FRMD5: variants seen among roughly 807,000 people sequenced by gnomAD.
FRMD5 encodes FERM domain containing 5.
In FRMD5, 20 loss-of-function variants were observed where a neutral mutation model predicts 69.0. The ratio of observed to expected loss-of-function variants is 0.29; its 90% CI spans 0.20 to 0.42. The LOEUF is 0.42. Among genes scored for constraint, FRMD5 ranks in the 10% least tolerant of loss-of-function variants. The pLI, the probability that FRMD5 is intolerant of heterozygous loss-of-function variation, is 1.00. For synonymous variants in FRMD5, 271 were observed against 260.1 expected, an observed-to-expected ratio of 1.04 and a Z score of -0.40; for missense variants, 595 against 708.6, an observed-to-expected ratio of 0.84 and a Z score of 1.82.
chr15:44,033,449 C>T lies in FRMD5; in HGVS notation c.103-109140G>A, dbSNP rs1221513421. Among the ~76,000 whole-genome samples the T allele has an allele frequency of 5.9e-5, 9 of 152,218 alleles. No homozygotes were observed. In the East Asian group the frequency reaches 9.6e-4, roughly 16 times the overall value. On this transcript the variant is annotated intron_variant, in intron 1 of 13. Coordinates refer to ENST00000417257, the MANE Select transcript of FRMD5 (RefSeq NM_032892.5). ...AAGAGGCAAATTCTCTTTTAAGAGG[C>T]ATTTCAATAAATATCCCAAATAATA...
At position 43,873,264 on chromosome 15, in the gene FRMD5, T is replaced by G. The variant is rs1425815366; in HGVS notation, c.*621A>C. On this transcript the variant is annotated 3_prime_UTR_variant, in exon 14 of 14. Coordinates refer to ENST00000417257, the MANE Select transcript of FRMD5 (RefSeq NM_032892.5). ...AAACAAAAGGAAAAGAAAATCCAAC[T>G]CAGACCATCATAAGAAGCAACTTTC... 9.1e-6 allele frequency: 14 copies of G among 1,545,372 alleles called. No homozygotes were observed. Among genetic ancestry groups the G allele is most frequent in the Middle Eastern group, 3.3e-4 (2 of 5,990 alleles).
intron 1 of FRMD5, among the ~76,000 whole-genome samples, chr15:44,022,227 C>T (rs1266532848): frequency 6.6e-6 from 1 of 151,864 alleles, no homozygotes; most frequent in African/African-American, 2.4e-5. Flanking sequence ...TTAAAAATAG[C>T]TAAAACTATA....
At chr15:43,952,734 T>C (rs1445373711) in intron 1 of FRMD5, among the ~76,000 whole-genome samples, 4 of 152,356 alleles carry the variant, frequency 2.6e-5, no homozygotes. Context: ...TATGCAGCCA[T>C]GCGGTCAGCA....
chr15:43,888,094 C>T (rs2088705850), intron 10 of FRMD5, 81 bp downstream of exon 10: 4 of 1,109,516 alleles, frequency 3.6e-6, no homozygotes, highest in Non-Finnish European at 5.4e-6. Context: ...CCCCAAGTTC[C>T]TGGGCACTTG....
At chr15:43,874,757 G>C (rs941821235) in intron 13 of FRMD5, among the ~76,000 whole-genome samples, 9 of 149,060 alleles carry the variant, frequency 6.0e-5, no homozygotes, top group African/African-American at 2.0e-4. Context: ...AAAATCAGCC[G>C]GGCCTGGTGG....
At chr15:44,073,840 CA>C (rs2140420607) in intron 1 of FRMD5, among the ~76,000 whole-genome samples, 1 of 152,150 alleles carries the variant, frequency 6.6e-6, no homozygotes, top group African/African-American at 2.4e-5. Context: ...CAGCTTACGA[CA>C]ATAAAACATT....
chr15:43,885,656 A>G (rs1567209959), intron 11 of FRMD5, 25 bp downstream of exon 11: 1 of 1,584,336 alleles, frequency 6.3e-7, no homozygotes, highest in Admixed American at 1.7e-5. Context: ...TAGATCCATA[A>G]TGGTTACTTA....
chr15:44,151,041 G>A (rs1047225762), intron 1 of FRMD5, among the ~76,000 whole-genome samples: 4 of 151,002 alleles, frequency 2.6e-5, no homozygotes, highest in East Asian at 3.9e-4. Context: ...GCAGTGAGCC[G>A]AGATGGCACC....
chr15:43,895,231 G>A (rs2088886402), intron 7 of FRMD5, among the ~76,000 whole-genome samples: 3 of 152,224 alleles, frequency 2.0e-5, no homozygotes, highest in Admixed American at 1.3e-4. Context: ...GAAAATGTGG[G>A]AAGTTAGAAT....
chr15:44,013,127 T>C (rs1050969666), intron 1 of FRMD5, among the ~76,000 whole-genome samples: 2 of 152,172 alleles, frequency 1.3e-5, no homozygotes, highest in African/African-American at 2.4e-5. Flanking sequence ...TGAAAGTCAA[T>C]TATTTTGTCC....
intron 1 of FRMD5, among the ~76,000 whole-genome samples, chr15:43,990,524 G>A (rs967480244): frequency 1.3e-5 from 2 of 152,052 alleles, no homozygotes; most frequent in African/African-American, 4.8e-5. Flanking sequence ...ACACATTTAT[G>A]TATCACAAAT....
chr15:44,149,340 T>C (rs186257624), intron 1 of FRMD5, among the ~76,000 whole-genome samples: 44 of 151,830 alleles, frequency 2.9e-4, no homozygotes, highest in Non-Finnish European at 5.5e-4. Context: ...CAAAAGAAGA[T>C]AGTAATACAG....
intron 1 of FRMD5, among the ~76,000 whole-genome samples, chr15:44,143,796 G>A (rs1314191585): frequency 6.6e-6 from 1 of 151,216 alleles, no homozygotes; most frequent in African/African-American, 2.4e-5. Flanking sequence ...GTGGCGGCAC[G>A]CACCTGTTGT....
chr15:43,965,587 T>G (rs1847689956), intron 1 of FRMD5, among the ~76,000 whole-genome samples: 1 of 149,818 alleles, frequency 6.7e-6, no homozygotes, highest in Admixed American at 6.6e-5. Context: ...TTTTTTTTTT[T>G]TTTTTTTTTT....
chr15:43,886,995 A>G (rs1039719122), intron 10 of FRMD5, among the ~76,000 whole-genome samples: 1 of 152,236 alleles, frequency 6.6e-6, no homozygotes, highest in South Asian at 2.1e-4. Flanking sequence ...GGGAAGACTC[A>G]GAAACTGAGT....
At chr15:44,157,896 C>T (rs2077552840) in intron 1 of FRMD5, among the ~76,000 whole-genome samples, 1 of 152,080 alleles carries the variant, frequency 6.6e-6, no homozygotes, top group Non-Finnish European at 1.5e-5. Flanking sequence ...AAGTCATATG[C>T]CTGATGAGAC....
intron 1 of FRMD5, among the ~76,000 whole-genome samples, chr15:44,005,953 GA>G (rs1890428133): frequency 6.6e-6 from 1 of 152,170 alleles, no homozygotes; most frequent in Non-Finnish European, 1.5e-5. Context: ...AAGTTACCCA[GA>G]AGATCTACCT....
intron 1 of FRMD5, chr15:44,194,159 A>T (rs745861035): frequency 6.6e-6 from 1 of 152,276 alleles, no homozygotes; most frequent in Admixed American, 6.5e-5. Context: ...GCGAAGGAAC[A>T]TGAGCAAGAG....
At chr15:44,103,607 G>C (rs1039976748) in intron 1 of FRMD5, among the ~76,000 whole-genome samples, 11 of 152,124 alleles carry the variant, frequency 7.2e-5, no homozygotes, top group African/African-American at 2.4e-4. Context: ...AAGGTTGTGC[G>C]ACCTTTGCCA....
Sources: gnomAD v4.1 joint callset for allele counts (sites outside exome capture counted in the v4.1 genomes callset) on GRCh38, gnomAD v4.1.1 for gene constraint, MANE v1.5 for transcripts, NCBI Gene and HGNC (gene_info 2026-07-23, HGNC 2026-07-21) for gene names.